PCDHGA4: variants seen among roughly 807,000 people sequenced by gnomAD.
The protein encoded by PCDHGA4 is protocadherin gamma subfamily A, 4.
In PCDHGA4, 38 loss-of-function variants were observed where a neutral mutation model predicts 54.6. The ratio of observed to expected loss-of-function variants is 0.70; its 90% CI spans 0.54 to 0.91. The LOEUF is 0.91. Ranked by LOEUF, PCDHGA4 falls within the 40% of genes least tolerant of loss-of-function variation. The pLI, the probability that PCDHGA4 is intolerant of heterozygous loss-of-function variation, is 0.00. For synonymous variants in PCDHGA4, 511 were observed against 512.9 expected, an observed-to-expected ratio of 1.00 and a Z score of 0.05; for missense variants, 1,298 against 1,220.9, an observed-to-expected ratio of 1.06 and a Z score of -0.94.
Position 141,490,365 on chromosome 5 carries a change from A to G in PCDHGA4, c.2515-4442A>G. The G allele has an allele frequency of 6.2e-7, 1 of 1,614,170 alleles. No individual in the cohort carries two copies. The highest frequency in any genetic ancestry group is 8.5e-7 in the Non-Finnish European group (1 of 1,180,030). On this transcript the variant is annotated intron_variant, in intron 1 of 3. Coordinates refer to ENST00000571252, the MANE Select transcript of PCDHGA4 (RefSeq NM_018917.4). The surrounding 1 kb of genome is among the most constrained non-coding windows in gnomAD (Gnocchi z 5.4). ...CAGTAGTGGGGTTGTTTAATGTGCG[A>G]GACCGGGACTCAGGTAGAAATGGTG...
chr5:141,385,665 A>G (rs2090316911), intron 1 of PCDHGA4: 1 of 462,016 alleles, frequency 2.2e-6, no homozygotes, highest in Admixed American at 5.1e-5. Flanking sequence ...AGCAGGAATA[A>G]AACACACCTC....
chr5:141,405,233 G>A (rs746061797), intron 1 of PCDHGA4: 10 of 1,613,914 alleles, frequency 6.2e-6, no homozygotes, highest in East Asian at 2.2e-5. Flanking sequence ...CTCCCTCACC[G>A]CTGACTCAAG....
chr5:141,447,299 C>A (rs543731556), intron 1 of PCDHGA4, among the ~76,000 whole-genome samples: 38 of 152,102 alleles, frequency 2.5e-4, no homozygotes, highest in Middle Eastern at 6.8e-3. Context: ...GCCACCACAC[C>A]CGGCTAATTT....
At chr5:141,372,516 A>C in intron 1 of PCDHGA4, 1 of 1,613,902 alleles carries the variant, frequency 6.2e-7, no homozygotes, top group Non-Finnish European at 8.5e-7. Context: ...CCTCGCGGTG[A>C]TTCTGGCAAT....
Position 141,399,994 on chromosome 5 carries a change from C to T in PCDHGA4, c.2514+42373C>T, listed in dbSNP as rs538358679. 27 of 1,612,262 alleles carry T rather than the reference C, an allele frequency of 1.7e-5. No individual in the cohort carries two copies. The East Asian group carries it at 1.8e-4, about 11-fold the overall frequency. On this transcript the variant is annotated intron_variant, in intron 1 of 3. Coordinates refer to ENST00000571252, the MANE Select transcript of PCDHGA4 (RefSeq NM_018917.4). ...CCTGGGGCTGCGCACAGGAGAGGTG[C>T]GCACAGCGCGTGCCTTGGGCGACAG...
At chr5:141,479,189 G>A (rs1466742057) in intron 1 of PCDHGA4, 3 of 152,358 alleles carry the variant, frequency 2.0e-5, no homozygotes, top group African/African-American at 7.2e-5. Flanking sequence ...AGAAAATTCA[G>A]AAAATACAGA....
chr5:141,410,945 C>A, intron 1 of PCDHGA4: 1 of 192,458 alleles, frequency 5.2e-6, no homozygotes, highest in Non-Finnish European at 1.0e-5. Context: ...CCTCCGCCTT[C>A]TGGGTTCAAG....
chr5:141,490,640 G>C lies in PCDHGA4; in HGVS notation c.2515-4167G>C, dbSNP rs774630488. 1 of 1,614,122 alleles carries C rather than the reference G, an allele frequency of 6.2e-7. No individual in the cohort carries two copies. The highest frequency in any genetic ancestry group is 8.5e-7 in the Non-Finnish European group (1 of 1,180,012). On this transcript the variant is annotated intron_variant, in intron 1 of 3. Coordinates refer to ENST00000571252, the MANE Select transcript of PCDHGA4 (RefSeq NM_018917.4). This position sits in a 1 kb window ranked among gnomAD's most constrained non-coding sequence, Gnocchi z 5.4. The stretch of plus-strand genomic sequence containing the variant: ...TACACTGCTTACATCCTAGAAAACC[G>C]GCCTCCGGGCTCCCTTCTTTGCACT...
intron 1 of PCDHGA4, among the ~76,000 whole-genome samples, chr5:141,363,501 C>A (rs187528196): frequency 6.6e-6 from 1 of 152,306 alleles, no homozygotes; most frequent in East Asian, 1.9e-4. Flanking sequence ...AATAAAACCC[C>A]ATCCTCCACA....
intron 1 of PCDHGA4, among the ~76,000 whole-genome samples, chr5:141,436,713 G>C (rs2097842329): frequency 6.6e-6 from 1 of 152,308 alleles, no homozygotes; most frequent in East Asian, 1.9e-4. Flanking sequence ...TCGATGTTCT[G>C]TTGGGAAAAA....
chr5:141,414,472 A>G (rs1039987036), intron 1 of PCDHGA4: 1 of 1,613,914 alleles, frequency 6.2e-7, no homozygotes, highest in African/African-American at 1.3e-5. Flanking sequence ...AGATGGGGGA[A>G]GTCCTCCTCT....
rs778744503 is a variant in PCDHGA4, at chr5:141,511,152, G to C, written c.2868G>C (p.Ser956=). 2 of 1,614,140 alleles carry C rather than the reference G, an allele frequency of 1.2e-6. No individual in the cohort carries two copies. Among genetic ancestry groups the C allele is most frequent in the South Asian group, 2.2e-5 (2 of 91,086 alleles). The change falls in exon 4 of 4, where the codon TCG becomes TCC. Residue 956 remains serine, a synonymous_variant. Coordinates refer to ENST00000571252, the MANE Select transcript of PCDHGA4 (RefSeq NM_018917.4). ...PAGGNGNKKK[S]GKKEKK ...GTGGCAATGGCAACAAGAAGAAGTC[G>C]GGCAAGAAGGAGAAGAAGTAACATG...
intron 1 of PCDHGA4, chr5:141,404,928 C>G: frequency 2.5e-6 from 4 of 1,613,866 alleles, no homozygotes; most frequent in Non-Finnish European, 3.4e-6. Context: ...GCCACTGTCA[C>G]GCTCACAGTA....
chr5:141,472,308 G>A (rs897967832), intron 1 of PCDHGA4, among the ~76,000 whole-genome samples: 6 of 152,074 alleles, frequency 3.9e-5, no homozygotes, highest in South Asian at 4.1e-4. Context: ...TTGGGAAGCC[G>A]AGGCAGGCAG....
At chr5:141,380,730 T>C (rs1776691792) in intron 1 of PCDHGA4, among the ~76,000 whole-genome samples, 2 of 152,250 alleles carry the variant, frequency 1.3e-5, no homozygotes, top group Non-Finnish European at 2.9e-5. Context: ...CTTATTTCCT[T>C]TTCTCCAAAG....
rs1053018756 is a variant in PCDHGA4, at chr5:141,497,630, G to T, written c.2573+2765G>T. ...TCTTGGCTCACTGCAACCTCTGCCT[G>T]CCAGGTTCAAGCGATTCTCCTGCCT... is the stretch of plus-strand genomic sequence containing the variant. On this transcript the variant is annotated intron_variant, in intron 2 of 3. Coordinates refer to ENST00000571252, the MANE Select transcript of PCDHGA4 (RefSeq NM_018917.4). 3.3e-5 allele frequency among the ~76,000 whole-genome samples: 5 copies of T among 150,256 alleles called. No homozygotes were observed. The Admixed American group carries it at 3.3e-4, about 10-fold the overall frequency.
At position 141,490,207 on chromosome 5, in the gene PCDHGA4, C is replaced by T. The variant is rs142098675; in HGVS notation, c.2515-4600C>T. On this transcript the variant is annotated intron_variant, in intron 1 of 3. Transcript: ENST00000571252. This position sits in a 1 kb window ranked among gnomAD's most constrained non-coding sequence, Gnocchi z 5.4. ...TTTCTATGAAATTCATGCAAGAGCC[C>T]GTGACCAGGGACAGCCTGCCATGGA... 41 of 1,614,056 alleles carry T rather than the reference C, an allele frequency of 2.5e-5. No homozygotes were observed. The highest frequency in any genetic ancestry group is 3.3e-4 in the Middle Eastern group (2 of 6,084).
intron 1 of PCDHGA4, chr5:141,400,091 C>A: frequency 6.2e-7 from 1 of 1,614,072 alleles, no homozygotes; most frequent in Non-Finnish European, 8.5e-7. Context: ...GCCACCGCCA[C>A]GCTGCACTTG....
At position 141,489,474 on chromosome 5, in the gene PCDHGA4, C is replaced by T. The variant is rs772297075; in HGVS notation, c.2515-5333C>T. On this transcript the variant is annotated intron_variant, in intron 1 of 3. Transcript: ENST00000571252. The surrounding 1 kb of genome is among the most constrained non-coding windows in gnomAD (Gnocchi z 4.5). ...AGAATGGGCGCTATTTTTCCCTGAG[C>T]TTGATGAGTGGTGCCCTGGCAGTGA... 6.2e-7 allele frequency: 1 copy of T among 1,614,108 alleles called. No individual in the cohort carries two copies. The highest frequency in any genetic ancestry group is 8.5e-7 in the Non-Finnish European group (1 of 1,180,034).
Sources: gnomAD v4.1 joint callset for allele counts (sites outside exome capture counted in the v4.1 genomes callset) on GRCh38, gnomAD v4.1.1 for gene constraint, Gnocchi (gnomAD v3.1) non-coding constraint, MANE v1.5 for transcripts, NCBI Gene and HGNC (gene_info 2026-07-23, HGNC 2026-07-21) for gene names.